LEUTX: variants seen among roughly 807,000 people sequenced by gnomAD.
LEUTX encodes the protein leucine twenty homeobox, also known as paired-like homeodomain transcription factor LEUTX.
A neutral mutation model predicts 4.5 loss-of-function variants in LEUTX; 5 were observed. The observed-to-expected ratio is 1.11, with a 90% CI of 0.58 to 2.34. The LOEUF (loss-of-function observed/expected upper bound fraction) is 2.34. Among genes scored for constraint, LEUTX ranks in the 30% most tolerant of loss-of-function variants. The pLI is 0.01. For synonymous variants in LEUTX, 89 were observed against 85.1 expected (o/e 1.05, Z -0.25); for missense variants, 233 against 239.4 (o/e 0.97, Z 0.18).
chr19:39,785,817 A>C lies in LEUTX; in HGVS notation c.279A>C (p.Ser93=). Residue 93 remains serine, a synonymous_variant, in exon 3 of 3, where the codon TCA becomes TCC. Transcript: ENST00000638280. ...CAGTGAAGAAGGAGGAGACTCCCTC[A>C]GCCATAACTACTGCAAACATTCGTC... The part of the protein sequence containing the change: ...TTSVKKEETP[S]AITTANIRPV... 1 of 1,551,760 alleles carries C rather than the reference A, an allele frequency of 6.4e-7. No homozygotes were observed. Among genetic ancestry groups the C allele is most frequent in the African/African-American group, 1.4e-5 (1 of 73,186 alleles).
chr19:39,779,228 T>C (rs909655584), intron 1 of LEUTX, among the ~76,000 whole-genome samples: 3 of 152,132 alleles, frequency 2.0e-5, no homozygotes, highest in African/African-American at 7.2e-5. Flanking sequence ...CTGGGACTTA[T>C]AAGTGTGTGC....
chr19:39,786,065 A>G lies in LEUTX; in HGVS notation c.527A>G (p.Asp176Gly). 2 of 1,551,322 alleles carry G rather than the reference A, an allele frequency of 1.3e-6. No individual in the cohort carries two copies. Among genetic ancestry groups the G allele is most frequent in the East Asian group, 2.4e-5 (1 of 40,922 alleles). Residue 176 changes from aspartate (D) to glycine (G), a missense_variant, in exon 3 of 3, where the codon GAC becomes GGC. Asp to Gly is a moderately conservative substitution (Grantham distance 94). Transcript: ENST00000638280. ...VKIYDLPGED[D>G]TSSLNQYLFP... ...ATCTATGACTTGCCAGGGGAAGATG[A>G]CACCAGCAGCCTAAATCAATATCTT...
At chr19:39,785,237 A>G (rs1038353627) in intron 2 of LEUTX, among the ~76,000 whole-genome samples, 1 of 152,276 alleles carries the variant, frequency 6.6e-6, no homozygotes, top group Middle Eastern at 3.4e-3. Flanking sequence ...CCAGTTTAAG[A>G]CCAGCCTGGG....
At chr19:39,782,437 G>A (rs1054203562) in intron 1 of LEUTX, among the ~76,000 whole-genome samples, 3 of 152,134 alleles carry the variant, frequency 2.0e-5, no homozygotes, top group Non-Finnish European at 2.9e-5. Context: ...GTAAGATGTG[G>A]CTTTGCTCCT....
intron 1 of LEUTX, among the ~76,000 whole-genome samples, chr19:39,783,360 TATATAC>T (rs1967916184): frequency 1.1e-5 from 1 of 87,998 alleles, no homozygotes; most frequent in South Asian, 4.1e-4. Flanking sequence ...TACATATATA[TATATAC>T]ACACACACAC....
At chr19:39,780,561 A>G (rs1285812894) in intron 1 of LEUTX, among the ~76,000 whole-genome samples, 1 of 152,160 alleles carries the variant, frequency 6.6e-6, no homozygotes, top group Non-Finnish European at 1.5e-5. Context: ...TTAGTCAGAG[A>G]TATTTTTAGT....
chr19:39,780,929 C>T (rs1967875982), intron 1 of LEUTX, among the ~76,000 whole-genome samples: 2 of 151,680 alleles, frequency 1.3e-5, no homozygotes, highest in Admixed American at 6.6e-5. Context: ...GTTTTGAACT[C>T]CTGATCTCAA....
At position 39,786,093 on chromosome 19, in the gene LEUTX, T is replaced by C. The variant is rs774382036; in HGVS notation, c.555T>C (p.Phe185=). ...CCAGCAGCCTAAATCAATATCTTTT[T>C]CCAGTATGCCTTGAGTATGACCAGC... The part of the protein sequence containing the change: ...DDTSSLNQYL[F]PVCLEYDQLQ... Residue 185 remains phenylalanine (F), a synonymous_variant, in exon 3 of 3, where the codon TTT becomes TTC. Coordinates refer to ENST00000638280, the MANE Select transcript of LEUTX (RefSeq NM_001382345.1). 5 of 1,547,582 alleles carry C rather than the reference T, an allele frequency of 3.2e-6. No individual in the cohort carries two copies. In the East Asian group the frequency reaches 9.8e-5, roughly 30 times the overall value.
At chr19:39,783,727 T>C (rs1967922109) in intron 1 of LEUTX, among the ~76,000 whole-genome samples, 1 of 122,240 alleles carries the variant, frequency 8.2e-6, no homozygotes, top group African/African-American at 2.5e-5. Flanking sequence ...TCCCTAATCA[T>C]TTGTGATGTT....
chr19:39,784,434 T>G (rs1284628057), intron 1 of LEUTX, 93 bp from the exon 2 acceptor site: 1 of 626,962 alleles, frequency 1.6e-6, no homozygotes, highest in East Asian at 2.7e-5. Flanking sequence ...TTGTTCAGAT[T>G]CTTTTGTCCC....
At chr19:39,780,796 T>A (rs1030150496) in intron 1 of LEUTX, among the ~76,000 whole-genome samples, 5 of 152,102 alleles carry the variant, frequency 3.3e-5, no homozygotes, top group African/African-American at 1.2e-4. Context: ...GATGTATGAG[T>A]GCAATATCTT....
rs1331349028 is a variant in LEUTX at position 39,785,990 on chromosome 19, C to A, written c.452C>A (p.Ser151Ter). Residue 151 changes from serine (S) to a stop codon, truncating the protein, a stop_gained, in exon 3 of 3, where the codon TCA (serine) becomes TAA (stop). Coordinates refer to ENST00000638280, the MANE Select transcript of LEUTX (RefSeq NM_001382345.1). LOFTEE classifies it low-confidence loss of function (END_TRUNC). ...YDIEQICLGA[S>*]NPPWASTLFE... The stretch of plus-strand genomic sequence containing the variant: ...ATTGAACAGATATGTCTGGGGGCTT[C>A]AAATCCTCCTTGGGCCTCCACTCTC... 4.5e-6 allele frequency: 7 copies of A among 1,551,624 alleles called. No individual in the cohort carries two copies. The highest frequency in any genetic ancestry group is 2.0e-5 in the Admixed American group (1 of 50,986).
chr19:39,781,311 C>T (rs1247675338), intron 1 of LEUTX, among the ~76,000 whole-genome samples: 1 of 152,148 alleles, frequency 6.6e-6, no homozygotes, highest in African/African-American at 2.4e-5. Flanking sequence ...GGAATAAGAG[C>T]ATCCTGAAAA....
chr19:39,776,786 C>A, upstream of LEUTX: 2 of 407,972 alleles, frequency 4.9e-6, no homozygotes, highest in Non-Finnish European at 9.8e-6. Context: ...GAGGCTGAGG[C>A]GGGAGGATCC....
In LEUTX at chr19:39,779,149, G is replaced by A. The variant is rs976886141; in HGVS notation, c.7+222G>A. Among the ~76,000 whole-genome samples, 8 of 152,076 alleles carry A rather than the reference G, an allele frequency of 5.3e-5. No individual in the cohort carries two copies. The East Asian group carries it at 1.5e-3, about 29-fold the overall frequency. On this transcript the variant is annotated intron_variant, in intron 1 of 2. Transcript: ENST00000638280. ...CTCTTTTTTAAAGAGATGGGGTCTTGGTATGTTGCCCAGGCTGGCCTCGAG... is the reference window on the plus strand; with the variant it reads ...CTCTTTTTTAAAGAGATGGGGTCTTAGTATGTTGCCCAGGCTGGCCTCGAG...
upstream of LEUTX, among the ~76,000 whole-genome samples, chr19:39,778,554 C>T (rs1967833845): frequency 6.6e-6 from 1 of 152,004 alleles, no homozygotes; most frequent in Admixed American, 6.5e-5. Flanking sequence ...CTCTCAGCGC[C>T]TTGTTTATTT....
intron 1 of LEUTX, among the ~76,000 whole-genome samples, chr19:39,780,085 T>G (rs757156125): frequency 2.0e-5 from 3 of 152,222 alleles, no homozygotes; most frequent in Non-Finnish European, 4.4e-5. Context: ...TTTAACTTCT[T>G]AAAATGATTT....
At position 39,785,931 on chromosome 19, in the gene LEUTX, G is replaced by C; in HGVS notation, c.393G>C (p.Ala131=). ...IKNPGGASAS[A]RVSSWDSQSY... ...ATCCTGGAGGAGCCAGCGCCTCTGC[G>C]AGGGTTTCATCCTGGGATTCTCAGT... is the stretch of plus-strand genomic sequence containing the variant. The change falls in exon 3 of 3, where the codon GCG becomes GCC. Residue 131 remains alanine, a synonymous_variant. Coordinates refer to ENST00000638280, the MANE Select transcript of LEUTX (RefSeq NM_001382345.1). 1.9e-6 allele frequency: 3 copies of C among 1,551,760 alleles called. No homozygotes were observed. Among genetic ancestry groups the C allele is most frequent in the Non-Finnish European group, 2.6e-6 (3 of 1,147,012 alleles).
upstream of LEUTX, among the ~76,000 whole-genome samples, chr19:39,777,024 G>A (rs1185285508): frequency 6.6e-6 from 1 of 152,082 alleles, no homozygotes; most frequent in African/African-American, 2.4e-5. Flanking sequence ...AGCTTTTCCC[G>A]ATATTCCTCT....
Sources: allele counts gnomAD v4.1 joint callset (sites outside exome capture counted in the v4.1 genomes callset), GRCh38; gene constraint gnomAD v4.1.1; transcripts MANE v1.5; gene names NCBI Gene and HGNC (gene_info 2026-07-23, HGNC 2026-07-21).